Variants in CSNK2A2IP observed in about 807,000 individuals in gnomAD.
CSNK2A2IP encodes the protein casein kinase 2 subunit alpha' interacting protein.
the CSNK2A2IP span, among the ~76,000 whole-genome samples, chr3:88,350,178 C>T: frequency 6.6e-6 from 1 of 152,078 alleles, no homozygotes; most frequent in African/African-American, 2.4e-5. Flanking sequence ...TTTCTTCAGC[C>T]AAGGACATTC....
At chr3:88,393,386 T>C in the CSNK2A2IP span, among the ~76,000 whole-genome samples, 1 of 152,178 alleles carries the variant, frequency 6.6e-6, no homozygotes, top group African/African-American at 2.4e-5. Flanking sequence ...CATGTGTGCA[T>C]GGGAAAAGTA....
the CSNK2A2IP span, among the ~76,000 whole-genome samples, chr3:88,447,211 G>C: frequency 2.6e-4 from 39 of 152,060 alleles, no homozygotes; most frequent in Non-Finnish European, 4.9e-4. Context: ...TAAGAGCAGA[G>C]AAACATAAAT....
At chr3:88,435,457 T>C in the CSNK2A2IP span, among the ~76,000 whole-genome samples, 7 of 152,138 alleles carry the variant, frequency 4.6e-5, no homozygotes, top group African/African-American at 1.7e-4. Flanking sequence ...AGTTTCCATG[T>C]GTGTCTATAT....
the CSNK2A2IP span, among the ~76,000 whole-genome samples, chr3:88,448,484 T>C: frequency 2.0e-5 from 3 of 152,322 alleles, no homozygotes; most frequent in East Asian, 5.8e-4. Flanking sequence ...GAGACAAGTC[T>C]GGAAAACCTA....
the CSNK2A2IP span, among the ~76,000 whole-genome samples, chr3:88,434,661 C>A: frequency 6.6e-6 from 1 of 152,108 alleles, no homozygotes; most frequent in South Asian, 2.1e-4. Flanking sequence ...TAATGCAAAG[C>A]AGGTTGCATT....
At chr3:88,449,224 A>G in the CSNK2A2IP span, among the ~76,000 whole-genome samples, 4 of 152,172 alleles carry the variant, frequency 2.6e-5, no homozygotes, top group Non-Finnish European at 4.4e-5. Flanking sequence ...GCATGGGCAA[A>G]ACCAAACATT....
chr3:88,355,746 T>C, the CSNK2A2IP span, among the ~76,000 whole-genome samples: 1 of 152,174 alleles, frequency 6.6e-6, no homozygotes, highest in Non-Finnish European at 1.5e-5. Flanking sequence ...ACATACTTTT[T>C]ATGACTAGAA....
At chr3:88,398,264 T>C in the CSNK2A2IP span, among the ~76,000 whole-genome samples, 1 of 152,230 alleles carries the variant, frequency 6.6e-6, no homozygotes, top group Non-Finnish European at 1.5e-5. Flanking sequence ...AAAGCTTTGA[T>C]TTCTAGCAGT....
chr3:88,382,461 T>C, the CSNK2A2IP span: 1 of 152,220 alleles, frequency 6.6e-6, no homozygotes, highest in Admixed American at 6.5e-5. Flanking sequence ...ATGGTACTTC[T>C]GAATGAGCAA....
the CSNK2A2IP span, among the ~76,000 whole-genome samples, chr3:88,357,561 G>T: frequency 6.6e-6 from 1 of 151,710 alleles, no homozygotes; most frequent in South Asian, 2.1e-4. Context: ...GACTATTTTG[G>T]GTCTTTTGAG....
At chr3:88,402,915 A>C in the CSNK2A2IP span, among the ~76,000 whole-genome samples, 1 of 152,074 alleles carries the variant, frequency 6.6e-6, no homozygotes, top group Admixed American at 6.6e-5. Context: ...ATGTTTATTA[A>C]ATCTGAGTGG....
chr3:88,376,106 C>T, the CSNK2A2IP span, among the ~76,000 whole-genome samples: 6 of 151,744 alleles, frequency 4.0e-5, no homozygotes, highest in African/African-American at 1.5e-4. Context: ...TCTCCAAAGC[C>T]ATTTCATTAT....
chr3:88,462,315 C>T, the CSNK2A2IP span, among the ~76,000 whole-genome samples: 2 of 151,986 alleles, frequency 1.3e-5, no homozygotes, highest in Non-Finnish European at 2.9e-5. Flanking sequence ...CATCTAGAAG[C>T]TTGGTAGAAT....
At chr3:88,364,501 T>G in the CSNK2A2IP span, among the ~76,000 whole-genome samples, 1 of 152,046 alleles carries the variant, frequency 6.6e-6, no homozygotes, top group African/African-American at 2.4e-5. Flanking sequence ...AGAGAGATAA[T>G]GTAAGTAATA....
At chr3:88,364,285 T>C in the CSNK2A2IP span, among the ~76,000 whole-genome samples, 1 of 152,148 alleles carries the variant, frequency 6.6e-6, no homozygotes, top group African/African-American at 2.4e-5. Context: ...CTGTTTTTTT[T>C]TGGAGGGCGT....
At chr3:88,352,025 A>C in the CSNK2A2IP span, among the ~76,000 whole-genome samples, 2 of 152,134 alleles carry the variant, frequency 1.3e-5, no homozygotes, top group African/African-American at 4.8e-5. Context: ...CTTTTAAAGG[A>C]ATCTTGTTTA....
the CSNK2A2IP span, among the ~76,000 whole-genome samples, chr3:88,423,036 G>A: frequency 6.6e-6 from 1 of 152,282 alleles, no homozygotes; most frequent in African/African-American, 2.4e-5. Flanking sequence ...GAAGCCTGGT[G>A]AGAATCTGTG....
the CSNK2A2IP span, among the ~76,000 whole-genome samples, chr3:88,350,199 C>T: frequency 6.6e-6 from 1 of 152,100 alleles, no homozygotes; most frequent in Non-Finnish European, 1.5e-5. Context: ...TGGTAACTGT[C>T]CCTTTCTCAT....
chr3:88,340,299 A>G, the CSNK2A2IP span, among the ~76,000 whole-genome samples: 1 of 152,030 alleles, frequency 6.6e-6, no homozygotes, highest in Non-Finnish European at 1.5e-5. Context: ...GAAACCTCCA[A>G]GAAGGAATGT....
Sources: gnomAD v4.1 joint callset for allele counts (sites outside exome capture counted in the v4.1 genomes callset) on GRCh38, gnomAD v4.1.1 for gene constraint, MANE v1.5 for transcripts, NCBI Gene and HGNC (gene_info 2026-07-23, HGNC 2026-07-21) for gene names.